The following LIPF variants were observed in gnomAD, a reference collection of about 807,000 sequenced individuals.
LIPF encodes gastric triacylglycerol lipase.
LIPF carries 25 observed loss-of-function variants against 38.0 expected under a neutral mutation model. The ratio of observed to expected loss-of-function variants is 0.66; its 90% CI spans 0.48 to 0.92. The LOEUF (loss-of-function observed/expected upper bound fraction) is 0.92, where lower values mean the gene tolerates loss of function less well. Among genes scored for constraint, LIPF ranks in the 40% least tolerant of loss-of-function variants. The pLI is 0.00. For synonymous variants in LIPF, 161 were observed against 156.2 expected (o/e 1.03, Z -0.23); for missense variants, 410 against 469.9 (o/e 0.87, Z 1.18).
In LIPF at chr10:88,673,509, A is replaced by G. The variant is rs981588640; in HGVS notation, c.670-79A>G. On this transcript the variant is annotated intron_variant, in intron 6 of 9. Coordinates refer to ENST00000238983, the MANE Select transcript of LIPF (RefSeq NM_004190.4). ...ATATCATCATCCTCATCACACATGT[A>G]TAAGTAGATTAGATAAACTAGTGAG... The G allele has an allele frequency of 8.6e-6, 9 of 1,050,364 alleles. No homozygotes were observed. The African/African-American group carries it at 1.3e-4, about 15-fold the overall frequency. 65.1% of individuals were successfully genotyped at this position (1,050,364 alleles called of 1,614,324 possible). A position where few individuals can be genotyped will look rare whatever the true frequency, so the allele number is the denominator to read the frequency against.
In LIPF at chr10:88,668,847, A is replaced by C. The variant is rs572125815; in HGVS notation, c.422+91A>C. 79 of 1,021,374 alleles carry C rather than the reference A, an allele frequency of 7.7e-5. No individual in the cohort carries two copies. In the Middle Eastern group the frequency reaches 1.7e-3, roughly 22 times the overall value. The allele number at this position is 1,021,374 out of a possible 1,614,324, so 63.3% of individuals were successfully genotyped here. On this transcript the variant is annotated intron_variant, in intron 4 of 9. Coordinates refer to ENST00000238983, the MANE Select transcript of LIPF (RefSeq NM_004190.4). Reference sequence around the variant, plus strand: ...ATCCAGTCCCATTTTAACAAATTACACTCCAAGTAGGAGGATAAACAAGTC... The same window carrying C: ...ATCCAGTCCCATTTTAACAAATTACCCTCCAAGTAGGAGGATAAACAAGTC...
In LIPF at chr10:88,678,634, G is replaced by A; in HGVS notation, c.1150G>A (p.Glu384Lys). ...TATCTGGGCAATGGATGCCCCTCAAGAAGTTTACAATGACATTGTTTCTAT... is the reference window on the plus strand; with the variant it reads ...TATCTGGGCAATGGATGCCCCTCAAAAAGTTTACAATGACATTGTTTCTAT... ...DFIWAMDAPQ[E>K]VYNDIVSMIS... The change falls in exon 10 of 10, where the codon GAA (glutamate) becomes AAA (lysine). Residue 384 changes from glutamate (E) to lysine (K), a missense_variant. Coordinates refer to ENST00000238983, the MANE Select transcript of LIPF (RefSeq NM_004190.4). 6.2e-7 allele frequency: 1 copy of A among 1,613,094 alleles called. No homozygotes were observed. The highest frequency in any genetic ancestry group is 8.5e-7 in the Non-Finnish European group (1 of 1,179,112).
Position 88,678,648 on chromosome 10 carries a change from C to A in LIPF, c.1164C>A (p.Asp388Glu), listed in dbSNP as rs1462114462. ...AMDAPQEVYN[D>E]IVSMISEDKK is the part of the protein sequence containing the mutation. ...ATGCCCCTCAAGAAGTTTACAATGA[C>A]ATTGTTTCTATGATATCAGAAGATA... The change falls in exon 10 of 10, where the codon GAC becomes GAA. Residue 388 changes from aspartate to glutamate, a missense_variant. Coordinates refer to ENST00000238983, the MANE Select transcript of LIPF (RefSeq NM_004190.4). 6.2e-7 allele frequency: 1 copy of A among 1,611,578 alleles called. No individual in the cohort carries two copies. Among genetic ancestry groups the A allele is most frequent in the East Asian group, 2.2e-5 (1 of 44,878 alleles).
In LIPF at chr10:88,667,420, A is replaced by G. The variant is rs765963386; in HGVS notation, c.105+18A>G. 59 of 1,329,058 alleles carry G rather than the reference A, an allele frequency of 4.4e-5. No individual in the cohort carries two copies. Among genetic ancestry groups the G allele is most frequent in the Non-Finnish European group, 6.0e-5 (56 of 930,864 alleles). 82.3% of individuals were successfully genotyped at this position (1,329,058 alleles called of 1,614,324 possible). On this transcript the variant is annotated intron_variant, in intron 2 of 9. Coordinates refer to ENST00000238983, the MANE Select transcript of LIPF (RefSeq NM_004190.4). ...TGAACATTGTAAGTTACTCTGGGGA[A>G]AAACTCTATAAAACTAAAAGATGCT...
At chr10:88,672,013 A>G (rs1371523846) in intron 6 of LIPF, 48 bp downstream of exon 6, 1 of 1,513,552 alleles carries the variant, frequency 6.6e-7, no homozygotes, top group African/African-American at 1.4e-5. Context: ...TTGATTGCCC[A>G]TGGATTTTAA....
intron 6 of LIPF, 37 bp from the exon 7 acceptor site, chr10:88,673,547 CTTGA>C: frequency 6.6e-7 from 1 of 1,517,264 alleles, no homozygotes; most frequent in East Asian, 2.3e-5. Context: ...TTTTCTGCAG[CTTGA>C]TTGCTACAAC....
At chr10:88,666,681 A>G (rs892203628) in intron 1 of LIPF, among the ~76,000 whole-genome samples, 1 of 151,968 alleles carries the variant, frequency 6.6e-6, no homozygotes, top group Non-Finnish European at 1.5e-5. Context: ...ATGTAGAAAC[A>G]CCCTATCTCT....
chr10:88,677,568 A>C (rs1841706857), intron 9 of LIPF, among the ~76,000 whole-genome samples: 1 of 152,246 alleles, frequency 6.6e-6, no homozygotes, highest in East Asian at 1.9e-4. Flanking sequence ...TATTTAGGAA[A>C]TATAATAGAA....
chr10:88,678,515 T>C lies in LIPF; in HGVS notation c.1031T>C (p.Leu344Pro). The change falls in exon 10 of 10, where the codon CTG (leucine) becomes CCG (proline). Residue 344 changes from leucine (L) to proline (P), a missense_variant. By Grantham distance (98) the Leu-to-Pro change is moderately conservative. Transcript: ENST00000238983. Reference sequence around the variant, plus strand: ...GCAGTGTGGAACGGTGGCAAGGACCTGTTGGCTGACCCCCAAGATGTTGGC... The same window carrying C: ...GCAGTGTGGAACGGTGGCAAGGACCCGTTGGCTGACCCCCAAGATGTTGGC... ...PIAVWNGGKD[L>P]LADPQDVGLL... The C allele has an allele frequency of 6.2e-7, 1 of 1,614,056 alleles. No individual in the cohort carries two copies. The highest frequency in any genetic ancestry group is 1.1e-5 in the South Asian group (1 of 91,076).
intron 6 of LIPF, among the ~76,000 whole-genome samples, chr10:88,672,668 ACACTCTCT>A (rs748180831): frequency 0.013 from 1,558 of 116,374 alleles, 9 homozygotes; most frequent in Admixed American, 0.024. Flanking sequence ...ACACACACAC[ACACTCTCT>A]CTCTCTCTCT....
intron 9 of LIPF, among the ~76,000 whole-genome samples, chr10:88,676,631 T>C (rs563112597): frequency 6.6e-6 from 1 of 152,310 alleles, no homozygotes; most frequent in African/African-American, 2.4e-5. Flanking sequence ...ATTCTAACTG[T>C]TCATGGAATT....
chr10:88,672,377 G>A (rs975544808), intron 6 of LIPF, among the ~76,000 whole-genome samples: 2 of 152,112 alleles, frequency 1.3e-5, no homozygotes, highest in African/African-American at 4.8e-5. Context: ...GGAAGGGGAG[G>A]GAAAGGGAGA....
At chr10:88,666,055 G>C (rs1382995196) in intron 1 of LIPF, among the ~76,000 whole-genome samples, 3 of 152,140 alleles carry the variant, frequency 2.0e-5, no homozygotes, top group African/African-American at 7.2e-5. Context: ...ATTTTTAAGA[G>C]ATACCCTTAA....
chr10:88,667,566 C>G lies in LIPF; in HGVS notation c.106-3C>G, dbSNP rs1361731350. 1 of 1,509,724 alleles carries G rather than the reference C, an allele frequency of 6.6e-7. No homozygotes were observed. Among genetic ancestry groups the G allele is most frequent in the Non-Finnish European group, 9.2e-7 (1 of 1,092,446 alleles). The allele number at this position is 1,509,724 out of a possible 1,614,324, so 93.5% of individuals were successfully genotyped here. ...ATTTAAACTTTTGGGTTTGCTTCCTCAGAGTCAGATGATTACTTATTGGGG... is the reference window on the plus strand; with the variant it reads ...ATTTAAACTTTTGGGTTTGCTTCCTGAGAGTCAGATGATTACTTATTGGGG... On this transcript the variant is annotated splice_region_variant and splice_polypyrimidine_tract_variant and intron_variant, in intron 2 of 9. Transcript: ENST00000238983.
At chr10:88,670,725 G>C (rs568501006) in intron 5 of LIPF, among the ~76,000 whole-genome samples, 2 of 152,268 alleles carry the variant, frequency 1.3e-5, no homozygotes, top group East Asian at 3.9e-4. Context: ...AAGACTGTTC[G>C]GGGCTCTTTG....
At position 88,667,396 on chromosome 10, in the gene LIPF, G is replaced by A. The variant is rs761722938; in HGVS notation, c.99G>A (p.Met33Ile). ...KLHPGSPEVT[M>I]NISQMITYWG... ...ATCCTGGAAGCCCTGAAGTGACTAT[G>A]AACATTGTAAGTTACTCTGGGGAAA... The change falls in exon 2 of 10, where the codon ATG becomes ATA. Residue 33 changes from methionine (M) to isoleucine (I), a missense_variant. By Grantham distance (10) the Met-to-Ile change is conservative (BLOSUM62 1). Transcript: ENST00000238983. 6.4e-7 allele frequency: 1 copy of A among 1,571,178 alleles called. No individual in the cohort carries two copies.
chr10:88,673,249 C>T (rs1278533635), intron 6 of LIPF, among the ~76,000 whole-genome samples: 1 of 152,152 alleles, frequency 6.6e-6, no homozygotes, highest in East Asian at 1.9e-4. Flanking sequence ...CACATCTTGG[C>T]ACTTCATTAT....
intron 6 of LIPF, 113 bp downstream of exon 6, chr10:88,672,078 A>T (rs971806647): frequency 9.7e-7 from 1 of 1,030,802 alleles, no homozygotes; most frequent in African/African-American, 1.6e-5. Context: ...TTATATCCAA[A>T]AATGGAACTG....
intron 6 of LIPF, 129 bp downstream of exon 6, chr10:88,672,094 A>G: frequency 1.1e-6 from 1 of 870,204 alleles, no homozygotes; most frequent in Non-Finnish European, 1.7e-6. Context: ...AACTGTTCGC[A>G]TCTGTATTAT....
Sources: allele counts gnomAD v4.1 joint callset (sites outside exome capture counted in the v4.1 genomes callset), GRCh38; gene constraint gnomAD v4.1.1; transcripts MANE v1.5; gene names NCBI Gene and HGNC (gene_info 2026-07-23, HGNC 2026-07-21).